The following SEMA4D variants were observed in gnomAD, a reference collection of about 807,000 sequenced individuals.
SEMA4D encodes the protein semaphorin-4D.
Under a neutral mutation model 74.8 loss-of-function variants are expected in SEMA4D, and 22 were observed. The ratio of observed to expected loss-of-function variants is 0.29; its 90% confidence interval spans 0.21 to 0.42. The LOEUF is 0.42. SEMA4D is among the 10% of genes least tolerant of loss of function. The pLI, the probability that SEMA4D is intolerant of heterozygous loss-of-function variation, is 1.00. For synonymous variants in SEMA4D, 445 were observed against 463.7 expected, an observed-to-expected ratio of 0.96 and a Z score of 0.52; for missense variants, 937 against 1,118.4, an observed-to-expected ratio of 0.84 and a Z score of 2.31.
At chr9:89,445,295 A>G (rs750371288) in intron 2 of SEMA4D, among the ~76,000 whole-genome samples, 1 of 152,180 alleles carries the variant, frequency 6.6e-6, no homozygotes, top group Non-Finnish European at 1.5e-5. Flanking sequence ...GCTCCAGAGC[A>G]TGGCCAGGGT....
intron 13 of SEMA4D, among the ~76,000 whole-genome samples, chr9:89,384,229 G>A (rs1306197247): frequency 6.6e-6 from 1 of 152,196 alleles, no homozygotes; most frequent in Non-Finnish European, 1.5e-5. Context: ...CCAGAAGGTG[G>A]GAGCAACCGT....
intron 2 of SEMA4D, among the ~76,000 whole-genome samples, chr9:89,416,499 C>A (rs1180353757): frequency 6.6e-6 from 1 of 152,172 alleles, no homozygotes; most frequent in Admixed American, 6.5e-5. Flanking sequence ...ACAGAGGATG[C>A]GTCAGTCTAC....
At chr9:89,395,368 G>A (rs187129482) in intron 6 of SEMA4D, among the ~76,000 whole-genome samples, 5 of 151,510 alleles carry the variant, frequency 3.3e-5, no homozygotes, top group East Asian at 1.9e-4. Context: ...AGGTTGCAGT[G>A]AGCCGAGATC....
At position 89,399,302 on chromosome 9, in the gene SEMA4D, A is replaced by G. The variant is rs773738254; in HGVS notation, c.289T>C (p.Cys97Arg). 1 of 1,613,834 alleles carries G rather than the reference A, an allele frequency of 6.2e-7. No homozygotes were observed. The highest frequency in any genetic ancestry group is 1.7e-5 in the Admixed American group (1 of 60,020). Residue 97 changes from cysteine to arginine, a missense_variant, in exon 5 of 16, where the codon TGT becomes CGT. Coordinates refer to ENST00000422704, the MANE Select transcript of SEMA4D (RefSeq NM_001371194.2). ...WKVSEDKKAKCAEKGKSKQTE... is the reference protein window; with the variant it reads ...WKVSEDKKAKRAEKGKSKQTE... ...TGTTTTGATTTCCCCTTTTCTGCACATTTTGCTTTTTTGTCTTCTGAGACC... is the reference window on the plus strand; with the variant it reads ...TGTTTTGATTTCCCCTTTTCTGCACGTTTTGCTTTTTTGTCTTCTGAGACC...
At chr9:89,443,982 C>G (rs1378059042) in intron 2 of SEMA4D, among the ~76,000 whole-genome samples, 2 of 152,206 alleles carry the variant, frequency 1.3e-5, no homozygotes, top group Admixed American at 6.5e-5. Context: ...CCACTGCATG[C>G]CCATGCATCC....
chr9:89,472,204 G>A (rs978539551), intron 1 of SEMA4D: 11 of 210,430 alleles, frequency 5.2e-5, no homozygotes, highest in African/African-American at 2.4e-4. Context: ...CATCCCAAGG[G>A]TGAAGTCACT....
intron 6 of SEMA4D, among the ~76,000 whole-genome samples, chr9:89,394,061 G>A (rs1333266589): frequency 6.6e-6 from 1 of 152,228 alleles, no homozygotes; most frequent in Non-Finnish European, 1.5e-5. Flanking sequence ...TAAGCAGCTA[G>A]GTGACCCAAT....
At chr9:89,385,298 C>T in intron 13 of SEMA4D, 4 of 985,424 alleles carry the variant, frequency 4.1e-6, no homozygotes, top group Non-Finnish European at 4.8e-6. Flanking sequence ...GGGGCCCAAT[C>T]TTCATTCTAA....
intron 6 of SEMA4D, among the ~76,000 whole-genome samples, chr9:89,396,426 T>A (rs964681653): frequency 2.6e-5 from 4 of 152,334 alleles, no homozygotes; most frequent in Non-Finnish European, 5.9e-5. Context: ...TGTCTGTACT[T>A]TCCAGCACGC....
At position 89,408,278 on chromosome 9, in the gene SEMA4D, C is replaced by T. The variant is rs531627086; in HGVS notation, c.-243-2579G>A. On this transcript the variant is annotated intron_variant, in intron 2 of 15. Coordinates refer to ENST00000422704, the MANE Select transcript of SEMA4D (RefSeq NM_001371194.2). Reference sequence around the variant, plus strand: ...ACAAGTCCTGGCCCCACAGAACCCACGCCCTGGAGTGGGGCTGCGTGGAAG... The same window carrying T: ...ACAAGTCCTGGCCCCACAGAACCCATGCCCTGGAGTGGGGCTGCGTGGAAG... 8.5e-5 allele frequency among the ~76,000 whole-genome samples: 13 copies of T among 152,358 alleles called. No homozygotes were observed. The East Asian group carries it at 1.5e-3, about 18-fold the overall frequency.
intron 1 of SEMA4D, chr9:89,497,228 C>CCTA (rs1367703842): frequency 6.6e-6 from 1 of 152,310 alleles, no homozygotes; most frequent in Admixed American, 6.5e-5. Flanking sequence ...GCTCACTAGG[C>CCTA]GGCTGCAACA....
chr9:89,371,811 GGTGT>G (rs1203894719), intron 16 of SEMA4D, among the ~76,000 whole-genome samples: 3 of 66,124 alleles, frequency 4.5e-5, no homozygotes, highest in African/African-American at 6.3e-5. Flanking sequence ...GTGTGTGGGG[GGTGT>G]GTGTGTCTGG....
At chr9:89,385,708 G>A (rs1416585013) in intron 13 of SEMA4D, 1 of 464,392 alleles carries the variant, frequency 2.2e-6, no homozygotes, top group Admixed American at 6.4e-5. Context: ...CCTGCCAAGG[G>A]TAGGTATCTT....
rs908587854 is a variant in SEMA4D at position 89,471,248 on chromosome 9, T to A, written c.-309-15295A>T. On this transcript the variant is annotated intron_variant, in intron 1 of 15. Coordinates refer to ENST00000422704, the MANE Select transcript of SEMA4D (RefSeq NM_001371194.2). ...TTATTTAATGGGTACAGAGTTTCCA[T>A]TTGGGATGATGAAAAACCTCAGGAG... Among the ~76,000 whole-genome samples the A allele has an allele frequency of 4.6e-5, 7 of 152,196 alleles. 1 individual carries two copies. In the South Asian group the frequency reaches 1.2e-3, roughly 27 times the overall value.
Position 89,416,500 on chromosome 9 carries a change from G to A in SEMA4D, c.-243-10801C>T, listed in dbSNP as rs539324566. 2.6e-5 allele frequency among the ~76,000 whole-genome samples: 4 copies of A among 152,102 alleles called. No homozygotes were observed. The South Asian group carries it at 8.3e-4, about 32-fold the overall frequency. ...ACCCACCTGTGTCAACAGAGGATGC[G>A]TCAGTCTACACACAACACATACACA... On this transcript the variant is annotated intron_variant, in intron 2 of 15. Coordinates refer to ENST00000422704, the MANE Select transcript of SEMA4D (RefSeq NM_001371194.2).
chr9:89,485,806 AAAAAAAAAG>A (rs1467621228), intron 1 of SEMA4D, among the ~76,000 whole-genome samples: 2 of 109,022 alleles, frequency 1.8e-5, no homozygotes, highest in African/African-American at 3.4e-5. Flanking sequence ...AAAAAAAAAA[AAAAAAAAAG>A]AAAAAAAAAA....
At chr9:89,463,552 G>A (rs949221177) in intron 1 of SEMA4D, among the ~76,000 whole-genome samples, 8 of 152,026 alleles carry the variant, frequency 5.3e-5, no homozygotes, top group African/African-American at 1.7e-4. Context: ...TTTCATTTTC[G>A]CAGCAGAGGT....
intron 4 of SEMA4D, among the ~76,000 whole-genome samples, chr9:89,401,619 A>G (rs760855736): frequency 6.6e-6 from 1 of 152,180 alleles, no homozygotes; most frequent in Admixed American, 6.5e-5. Flanking sequence ...GTCAAAGAAG[A>G]GCAAATATCT....
At chr9:89,438,963 CCTTTTTTT>C (rs1851082183) in intron 2 of SEMA4D, among the ~76,000 whole-genome samples, 1 of 117,546 alleles carries the variant, frequency 8.5e-6, no homozygotes, top group Admixed American at 9.7e-5. Context: ...CCGCACCGGG[CCTTTTTTT>C]TTTTTTTTTT....
Sources: gnomAD v4.1 joint callset for allele counts (sites outside exome capture counted in the v4.1 genomes callset) on GRCh38, gnomAD v4.1.1 for gene constraint, MANE v1.5 for transcripts, NCBI Gene and HGNC (gene_info 2026-07-23, HGNC 2026-07-21) for gene names.